Variants in COL6A6 observed in about 807,000 individuals in gnomAD.
COL6A6 encodes collagen alpha-6(VI) chain.
Under a neutral mutation model 208.6 loss-of-function variants are expected in COL6A6, and 183 were observed. The observed-to-expected ratio is 0.88, with a 90% CI of 0.78 to 0.99. The LOEUF (loss-of-function observed/expected upper bound fraction) is 0.99. COL6A6 is among the 50% of genes least tolerant of loss of function. COL6A6 has a pLI of 0.00. For missense variants in COL6A6, 2,816 were observed against 2,815.2 expected, an observed-to-expected ratio of 1.00 and a Z score of -0.01; for synonymous variants, 973 against 1,011.8, an observed-to-expected ratio of 0.96 and a Z score of 0.73.
chr3:130,603,743 G>A (rs1029512471), intron 20 of COL6A6, among the ~76,000 whole-genome samples: 4 of 152,104 alleles, frequency 2.6e-5, no homozygotes, highest in Admixed American at 2.6e-4. Context: ...TCGGACAATT[G>A]TTCATCATTG....
In COL6A6 at chr3:130,608,135, C is replaced by T. The variant is rs562866995; in HGVS notation, c.4690-767C>T. Among the ~76,000 whole-genome samples the T allele has an allele frequency of 2.6e-5, 4 of 152,282 alleles. No homozygotes were observed. In the South Asian group the frequency reaches 6.2e-4, roughly 24 times the overall value. ...AAGGCCCCACCTGTTAATACTATTG[C>T]ATGGAGGATTAAGTTTCAACATACG... On this transcript the variant is annotated intron_variant, in intron 21 of 36. Transcript: ENST00000358511.
chr3:130,582,709 T>G (rs149706517), intron 10 of COL6A6, among the ~76,000 whole-genome samples: 2 of 152,256 alleles, frequency 1.3e-5, no homozygotes, highest in African/African-American at 2.4e-5. Context: ...CTTCTGTAAG[T>G]GGGTGCTATT....
intron 18 of COL6A6, 42 bp downstream of exon 18, chr3:130,594,385 C>G (rs2063795038): frequency 6.7e-7 from 1 of 1,488,382 alleles, no homozygotes; most frequent in Admixed American, 1.8e-5. Context: ...GCTTGATTCC[C>G]ATCCGTACTT....
chr3:130,669,448 TA>T, intron 36 of COL6A6, among the ~76,000 whole-genome samples: 1 of 151,680 alleles, frequency 6.6e-6, no homozygotes, highest in African/African-American at 2.4e-5. Context: ...CTATACATTT[TA>T]AAGGGAATAA....
intron 31 of COL6A6, 114 bp from the exon 32 acceptor site, chr3:130,644,877 A>C: frequency 1.1e-6 from 1 of 930,730 alleles, no homozygotes; most frequent in Non-Finnish European, 1.8e-6. Flanking sequence ...TGTTGCCTTG[A>C]TTTTTGAGTC....
intron 33 of COL6A6, among the ~76,000 whole-genome samples, chr3:130,658,398 A>G (rs1181389265): frequency 6.6e-6 from 1 of 152,212 alleles, no homozygotes; most frequent in Non-Finnish European, 1.5e-5. Flanking sequence ...CTTTACAAAT[A>G]TGAACCCATT....
At chr3:130,665,523 G>A (rs1249572277) in intron 36 of COL6A6, among the ~76,000 whole-genome samples, 1 of 152,144 alleles carries the variant, frequency 6.6e-6, no homozygotes, top group African/African-American at 2.4e-5. Context: ...AACCAACAAT[G>A]TCTTTTCAAA....
chr3:130,586,734 A>G, intron 11 of COL6A6, 74 bp downstream of exon 11: 1 of 1,416,196 alleles, frequency 7.1e-7, no homozygotes, highest in African/African-American at 1.4e-5. Flanking sequence ...CTTATGCTTA[A>G]GAATTTGAAC....
rs183663672 is a variant in COL6A6, at chr3:130,622,921, G to A, written c.4878+1038G>A. Among the ~76,000 whole-genome samples, 3 of 151,908 alleles carry A rather than the reference G, an allele frequency of 2.0e-5. No homozygotes were observed. In the East Asian group the frequency reaches 5.8e-4, roughly 30 times the overall value. On this transcript the variant is annotated intron_variant, in intron 24 of 36. Coordinates refer to ENST00000358511, the MANE Select transcript of COL6A6 (RefSeq NM_001102608.3). ...ATAAAAATTTTGGCAAGCAGAGAAG[G>A]GAATGGGGGGACTGTAATGAGAAAA...
intron 32 of COL6A6, 48 bp from the exon 33 acceptor site, chr3:130,649,016 CTTTTT>C: frequency 8.9e-7 from 1 of 1,126,462 alleles, no homozygotes; most frequent in Admixed American, 3.5e-5. Flanking sequence ...TTCTATGTAT[CTTTTT>C]TTTTTTTTAA....
chr3:130,645,093 A>G, intron 32 of COL6A6, 91 bp downstream of exon 32: 1 of 1,244,800 alleles, frequency 8.0e-7, no homozygotes, highest in South Asian at 1.2e-5. Context: ...TTGGCTTCCA[A>G]ATGACACAAA....
intron 34 of COL6A6, among the ~76,000 whole-genome samples, chr3:130,659,082 A>C (rs1031998401): frequency 6.6e-6 from 1 of 152,208 alleles, no homozygotes; most frequent in African/African-American, 2.4e-5. Flanking sequence ...TTATGCTATA[A>C]AGTATATTTA....
chr3:130,559,775 T>A (rs570015862), intron 1 of COL6A6, among the ~76,000 whole-genome samples: 1 of 152,304 alleles, frequency 6.6e-6, no homozygotes, highest in African/African-American at 2.4e-5. Context: ...TAAGCTGAGC[T>A]CCTTATTCTG....
At chr3:130,634,018 A>T (rs1272423578) in intron 26 of COL6A6, among the ~76,000 whole-genome samples, 1 of 55,708 alleles carries the variant, frequency 1.8e-5, no homozygotes, top group East Asian at 4.4e-4. Flanking sequence ...TAACCTGCAC[A>T]ATGTGCACAT....
chr3:130,566,704 T>C lies in COL6A6; in HGVS notation c.1285T>C (p.Cys429Arg), dbSNP rs2063032211. 1.9e-6 allele frequency: 3 copies of C among 1,600,164 alleles called. No homozygotes were observed. The highest frequency in any genetic ancestry group is 2.6e-6 in the Non-Finnish European group (3 of 1,172,282). ...GCAACTTATTGATTCCTTTTTAGGTTGTGTGGACACTGAGGAAGCAGACAT... is the reference window on the plus strand; with the variant it reads ...GCAACTTATTGATTCCTTTTTAGGTCGTGTGGACACTGAGGAAGCAGACAT... ...SERTETLKSG[C>R]VDTEEADIYL... The change falls in exon 5 of 37, where the codon TGT becomes CGT. Residue 429 changes from cysteine to arginine, a missense_variant and splice_region_variant. Cys to Arg is a radical substitution (Grantham distance 180). Coordinates refer to ENST00000358511, the MANE Select transcript of COL6A6 (RefSeq NM_001102608.3).
chr3:130,557,742 A>G (rs1285652735), intron 1 of COL6A6, among the ~76,000 whole-genome samples: 5 of 152,058 alleles, frequency 3.3e-5, no homozygotes, highest in Admixed American at 6.5e-5. Flanking sequence ...TTGGATTATG[A>G]ATTGGTTTGT....
chr3:130,670,843 T>A (rs1353863020), intron 36 of COL6A6, among the ~76,000 whole-genome samples: 1 of 152,242 alleles, frequency 6.6e-6, no homozygotes, highest in Non-Finnish European at 1.5e-5. Context: ...ATTTGCAAAC[T>A]TTCTTAAAAC....
At chr3:130,622,247 T>C (rs2064748568) in intron 24 of COL6A6, among the ~76,000 whole-genome samples, 1 of 142,938 alleles carries the variant, frequency 7.0e-6, no homozygotes, top group African/African-American at 2.6e-5. Flanking sequence ...ACACAAACTT[T>C]TGGTAAGCAC....
At position 130,589,103 on chromosome 3, in the gene COL6A6, A is replaced by G; in HGVS notation, c.4139A>G (p.Glu1380Gly). The change falls in exon 12 of 37, where the codon GAA becomes GGA. Residue 1380 changes from glutamate to glycine, a missense_variant. Glu to Gly is a moderately conservative substitution (Grantham distance 98). Transcript: ENST00000358511. ...CCCTCTCCCAAGGTCAATGTTGCTGAAAGGACATGCTGCTGTTTGTTCTGC... is the reference window on the plus strand; with the variant it reads ...CCCTCTCCCAAGGTCAATGTTGCTGGAAGGACATGCTGCTGTTTGTTCTGC... ...RLSKQLVNVAERTCCCLFCKC... is the reference protein window; with the variant it reads ...RLSKQLVNVAGRTCCCLFCKC... 2 of 1,613,762 alleles carry G rather than the reference A, an allele frequency of 1.2e-6. No individual in the cohort carries two copies. The highest frequency in any genetic ancestry group is 1.7e-6 in the Non-Finnish European group (2 of 1,179,710).
Sources: gnomAD v4.1 joint callset for allele counts (sites outside exome capture counted in the v4.1 genomes callset) on GRCh38, gnomAD v4.1.1 for gene constraint, MANE v1.5 for transcripts, NCBI Gene and HGNC (gene_info 2026-07-23, HGNC 2026-07-21) for gene names.